The following RSPRY1 variants were observed in gnomAD, a reference collection of about 807,000 sequenced individuals.
The protein encoded by RSPRY1 is ring finger and SPRY domain containing 1, also known as RING finger and SPRY domain-containing protein 1.
Under a neutral mutation model 73.1 loss-of-function variants are expected in RSPRY1, and 23 were observed. That is an observed-to-expected ratio of 0.31 (90% CI 0.23 to 0.45). RSPRY1 has a LOEUF of 0.45. Ranked by LOEUF, RSPRY1 falls within the 20% of genes least tolerant of loss-of-function variation. The probability of loss-of-function intolerance (pLI) is 1.00; values close to 1 mark genes in which losing one functional copy is unlikely to be tolerated. For missense variants in RSPRY1, 448 were observed against 698.7 expected, an observed-to-expected ratio of 0.64 and a Z score of 4.05; for synonymous variants, 226 against 251.4, an observed-to-expected ratio of 0.90 and a Z score of 0.95.
rs2075283546 is a variant in RSPRY1 at position 57,235,245 on chromosome 16, T to C, written c.1634+17T>C. ...TGGACACAGGTAAGAGGATTTATAT[T>C]AGGCAAAGTTTCATACTGTTCTTAA... On this transcript the variant is annotated intron_variant, in intron 14 of 14. Coordinates refer to ENST00000394420, the MANE Select transcript of RSPRY1 (RefSeq NM_133368.3). The C allele has an allele frequency of 6.4e-7, 1 of 1,553,194 alleles. No individual in the cohort carries two copies. The highest frequency in any genetic ancestry group is 1.4e-5 in the African/African-American group (1 of 73,656).
intron 13 of RSPRY1, among the ~76,000 whole-genome samples, 183 bp from the exon 14 acceptor site, chr16:57,234,938 CCTT>C (rs2146389778): frequency 6.6e-6 from 1 of 152,304 alleles, no homozygotes; most frequent in Admixed American, 6.5e-5. Flanking sequence ...GGTTATACCT[CCTT>C]CATTCTCTAC....
chr16:57,220,775 G>A lies in RSPRY1; in HGVS notation c.945G>A (p.Leu315=), dbSNP rs2075021841. Residue 315 remains leucine (L), a synonymous_variant, in exon 9 of 15, where the codon TTG becomes TTA. Coordinates refer to ENST00000394420, the MANE Select transcript of RSPRY1 (RefSeq NM_133368.3). ...GRQLTYEKVN[L]SSIRAMLNSN... ...AGCTGACCTATGAGAAAGTGAACTT[G>A]AGTAGCATTAGGGCCATGCTGAATA... is the stretch of plus-strand genomic sequence containing the variant. The A allele has an allele frequency of 1.9e-6, 3 of 1,613,862 alleles. No individual in the cohort carries two copies. The highest frequency in any genetic ancestry group is 2.2e-5 in the East Asian group (1 of 44,896).
intron 1 of RSPRY1, chr16:57,186,686 A>G (rs574208975): frequency 6.6e-6 from 1 of 151,750 alleles, no homozygotes; most frequent in East Asian, 2.0e-4. Flanking sequence ...AGGGATCTGA[A>G]GAGGTTCCTA....
chr16:57,194,065 A>G (rs1002417969), intron 1 of RSPRY1, among the ~76,000 whole-genome samples: 1 of 142,662 alleles, frequency 7.0e-6, no homozygotes, highest in Non-Finnish European at 1.6e-5. Flanking sequence ...GATTCCGTTT[A>G]AAAAAAAAAA....
intron 8 of RSPRY1, chr16:57,219,866 T>A (rs2075006686): frequency 6.6e-6 from 1 of 152,230 alleles, no homozygotes; most frequent in Non-Finnish European, 1.5e-5. Context: ...GTTTTATTCT[T>A]TTGCTTATGG....
In RSPRY1 at chr16:57,238,880, G is replaced by A. The variant is rs2075339899; in HGVS notation, c.1636G>A (p.Asp546Asn). The change falls in exon 15 of 15, where the codon GAC (aspartate) becomes AAC (asparagine). Residue 546 changes from aspartate to asparagine, a missense_variant and splice_region_variant. Coordinates refer to ENST00000394420, the MANE Select transcript of RSPRY1 (RefSeq NM_133368.3). Reference sequence around the variant, plus strand: ...TGACTTTTCTGTGTTTCTCCCCAGTGACCTGTGCATGGATTGTGCCTTGCA... The same window carrying A: ...TGACTTTTCTGTGTTTCTCCCCAGTAACCTGTGCATGGATTGTGCCTTGCA... ...DTQLKPCGHS[D>N]LCMDCALQLE... 1.9e-6 allele frequency: 3 copies of A among 1,575,110 alleles called. No homozygotes were observed. The highest frequency in any genetic ancestry group is 2.6e-6 in the Non-Finnish European group (3 of 1,160,534).
intron 2 of RSPRY1, among the ~76,000 whole-genome samples, chr16:57,205,899 A>G (rs2074716025): frequency 6.6e-6 from 1 of 152,212 alleles, no homozygotes; most frequent in African/African-American, 2.4e-5. Context: ...AGTATTTTTT[A>G]AAAAGTTACT....
chr16:57,239,281 C>T lies in RSPRY1; in HGVS notation c.*306C>T, dbSNP rs2075345908. 1 of 176,132 alleles carries T rather than the reference C, an allele frequency of 5.7e-6. No homozygotes were observed. Among genetic ancestry groups the T allele is most frequent in the Admixed American group, 6.2e-5 (1 of 16,010 alleles). The allele number at this position is 176,132 out of a possible 1,614,324, so 10.9% of individuals were successfully genotyped here. On this transcript the variant is annotated 3_prime_UTR_variant, in exon 15 of 15. Coordinates refer to ENST00000394420, the MANE Select transcript of RSPRY1 (RefSeq NM_133368.3). The stretch of plus-strand genomic sequence containing the variant: ...CCAAGTACTGAAATCACACTGGAAT[C>T]CCCCTTGTTGGGTTCATTTGATTGT...
At chr16:57,192,743 T>C (rs556660368) in intron 1 of RSPRY1, among the ~76,000 whole-genome samples, 10 of 150,476 alleles carry the variant, frequency 6.6e-5, no homozygotes, top group Admixed American at 3.3e-4. Context: ...TCTCACTCTG[T>C]CTCCTAGGCT....
At chr16:57,216,866 T>A (rs1198469212) in intron 7 of RSPRY1, 38 bp from the exon 8 acceptor site, 3 of 1,599,150 alleles carry the variant, frequency 1.9e-6, no homozygotes, top group Non-Finnish European at 1.7e-6. Context: ...CATTCTACCC[T>A]TTCATTGTTA....
chr16:57,215,597 A>C (rs746218410), intron 6 of RSPRY1, among the ~76,000 whole-genome samples: 1 of 152,236 alleles, frequency 6.6e-6, no homozygotes, highest in East Asian at 1.9e-4. Context: ...TCTCCTGTCT[A>C]CCATCAGCAT....
At chr16:57,233,738 C>T (rs766276961) in intron 13 of RSPRY1, among the ~76,000 whole-genome samples, 1 of 152,170 alleles carries the variant, frequency 6.6e-6, no homozygotes, top group Non-Finnish European at 1.5e-5. Context: ...TCCTTGACAC[C>T]TTACTTTCTG....
chr16:57,209,211 GA>G (rs1360602352), intron 4 of RSPRY1, 24 bp downstream of exon 4: 7 of 1,429,410 alleles, frequency 4.9e-6, no homozygotes, highest in Non-Finnish European at 6.9e-6. Context: ...TATCTTTTAT[GA>G]AACTATCATT....
Position 57,199,258 on chromosome 16 carries a change from G to T in RSPRY1, c.-155-5246G>T, listed in dbSNP as rs143267902. Among the ~76,000 whole-genome samples, 399 of 152,308 alleles carry T rather than the reference G, an allele frequency of 2.6e-3. 2 individuals carry two copies. The highest frequency in any genetic ancestry group is 8.9e-3 in the African/African-American group (370 of 41,560). On this transcript the variant is annotated intron_variant, in intron 1 of 14. Transcript: ENST00000394420. ...GCCTGTAATCCCAGCACTTTGGTAG[G>T]CCGAGGCGGGCGGATCACGAAGTCA...
chr16:57,204,277 G>A (rs1224292160), intron 1 of RSPRY1, among the ~76,000 whole-genome samples: 1 of 152,076 alleles, frequency 6.6e-6, no homozygotes, highest in Non-Finnish European at 1.5e-5. Flanking sequence ...TGGTCTATAA[G>A]AATATGGTTT....
chr16:57,186,463 A>C lies in RSPRY1; in HGVS notation c.-156+12A>C, dbSNP rs74485691. On this transcript the variant is annotated intron_variant, in intron 1 of 14. Transcript: ENST00000394420. ...GGGAGGTAGAGAAAGTCAGTGCCAC[A>C]GCCCGACCGCGCTGCTCTGAGCCCT... 5,812 of 154,444 alleles carry C rather than the reference A, an allele frequency of 0.038. 299 individuals carry two copies. Among genetic ancestry groups the C allele is most frequent in the East Asian group, 0.23 (1,166 of 5,182 alleles). 9.6% of individuals were successfully genotyped at this position (154,444 alleles called of 1,614,324 possible). A position where few individuals can be genotyped will look rare whatever the true frequency, so the allele number is the denominator to read the frequency against.
At chr16:57,198,378 C>T (rs1252621663) in intron 1 of RSPRY1, among the ~76,000 whole-genome samples, 1 of 130,804 alleles carries the variant, frequency 7.6e-6, no homozygotes. Flanking sequence ...AGCAAGACTC[C>T]GTCTCAAAAA....
At chr16:57,199,796 T>G (rs2074526189) in intron 1 of RSPRY1, among the ~76,000 whole-genome samples, 2 of 151,840 alleles carry the variant, frequency 1.3e-5, no homozygotes. Context: ...GTTTACCTCT[T>G]TTCACCTGAA....
intron 11 of RSPRY1, among the ~76,000 whole-genome samples, chr16:57,230,128 A>G (rs1003808405): frequency 6.9e-6 from 1 of 145,980 alleles, no homozygotes; most frequent in Admixed American, 7.2e-5. Flanking sequence ...CTCCTGCTTC[A>G]GCCTCCCGAG....
Sources: allele counts gnomAD v4.1 joint callset (sites outside exome capture counted in the v4.1 genomes callset), GRCh38; gene constraint gnomAD v4.1.1; transcripts MANE v1.5; gene names NCBI Gene and HGNC (gene_info 2026-07-23, HGNC 2026-07-21).